Variants in LYRM4 observed in about 807,000 individuals in gnomAD.
LYRM4 encodes LYR motif-containing protein 4.
In LYRM4, 9 loss-of-function variants were observed where a neutral mutation model predicts 11.7. The observed-to-expected ratio is 0.77, with a 90% CI of 0.46 to 1.34. The LOEUF is 1.34. LYRM4 is among the 40% of genes most tolerant of loss of function. LYRM4 has a pLI of 0.00. For synonymous variants in LYRM4, 42 were observed against 40.4 expected, an observed-to-expected ratio of 1.04 and a Z score of -0.15; for missense variants, 133 against 112.5, an observed-to-expected ratio of 1.18 and a Z score of -0.82.
At chr6:5,174,171 A>G (rs990225971) in intron 2 of LYRM4, among the ~76,000 whole-genome samples, 1 of 151,460 alleles carries the variant, frequency 6.6e-6, no homozygotes, top group African/African-American at 2.4e-5. Context: ...GTTTTTTTTT[A>G]AGTTAGGGCA....
At chr6:5,226,153 G>A (rs941477753) in intron 1 of LYRM4, among the ~76,000 whole-genome samples, 1 of 152,088 alleles carries the variant, frequency 6.6e-6, no homozygotes, top group Non-Finnish European at 1.5e-5. Context: ...TTTTTGTGTG[G>A]TCCGGTGTAC....
chr6:5,156,244 C>T (rs1453045996), intron 2 of LYRM4, among the ~76,000 whole-genome samples: 1 of 152,224 alleles, frequency 6.6e-6, no homozygotes, highest in Non-Finnish European at 1.5e-5. Context: ...GCCCCTTTTT[C>T]TGCAGAGTGG....
chr6:5,085,510 A>C, the LYRM4 span: 9 of 1,537,332 alleles, frequency 5.9e-6, no homozygotes, highest in Non-Finnish European at 7.9e-6. Flanking sequence ...GGCGCGGCTA[A>C]GTTTGGAGGC....
the LYRM4 span, among the ~76,000 whole-genome samples, chr6:5,098,099 C>T: frequency 6.6e-6 from 1 of 152,210 alleles, no homozygotes. Context: ...GCTGGGACTA[C>T]AGGGGTGCAC....
intron 1 of LYRM4, among the ~76,000 whole-genome samples, chr6:5,240,053 G>T (rs1763786624): frequency 6.6e-6 from 1 of 152,140 alleles, no homozygotes; most frequent in Non-Finnish European, 1.5e-5. Context: ...AAGGTAAACA[G>T]GGCAAAATAA....
At chr6:5,095,495 T>C in the LYRM4 span, among the ~76,000 whole-genome samples, 48 of 152,334 alleles carry the variant, frequency 3.2e-4, no homozygotes, top group Non-Finnish European at 2.5e-4. Context: ...TATTTAAAGC[T>C]GATTTCAACA....
intron 1 of LYRM4, among the ~76,000 whole-genome samples, chr6:5,228,158 A>C (rs112340494): frequency 2.6e-5 from 4 of 152,168 alleles, no homozygotes; most frequent in African/African-American, 9.7e-5. Flanking sequence ...AAACGAAAAA[A>C]CACCAGCATA....
At chr6:5,138,103 T>C (rs1757193004) in intron 2 of LYRM4, among the ~76,000 whole-genome samples, 1 of 152,180 alleles carries the variant, frequency 6.6e-6, no homozygotes, top group Admixed American at 6.5e-5. Flanking sequence ...TAAAGACTAA[T>C]GGTAGACAAG....
the LYRM4 span, among the ~76,000 whole-genome samples, chr6:5,062,239 C>T: frequency 6.9e-6 from 1 of 145,506 alleles, no homozygotes; most frequent in Non-Finnish European, 1.5e-5. Flanking sequence ...TGCACACCAA[C>T]ACCCCAGCTA....
At chr6:5,118,212 G>A (rs899848507) in intron 2 of LYRM4, among the ~76,000 whole-genome samples, 1 of 151,250 alleles carries the variant, frequency 6.6e-6, no homozygotes, top group African/African-American at 2.4e-5. Context: ...CACCTCCTGT[G>A]TTCAAGTGAT....
the LYRM4 span, among the ~76,000 whole-genome samples, chr6:5,083,685 A>G: frequency 6.6e-6 from 1 of 152,214 alleles, no homozygotes; most frequent in Non-Finnish European, 1.5e-5. Flanking sequence ...TGCTCAGTCA[A>G]TCAATGTAAG....
In LYRM4 at chr6:5,168,102, T is replaced by C. The variant is rs1222959031; in HGVS notation, c.207+48516A>G. On this transcript the variant is annotated intron_variant, in intron 2 of 2. Coordinates refer to ENST00000330636, the MANE Select transcript of LYRM4 (RefSeq NM_020408.6). ...TAAGAGAGAATCCATGAATCTATCA[T>C]GATACTTAAAAAAAAAAAACAAAAA... Among the ~76,000 whole-genome samples the C allele has an allele frequency of 4.7e-5, 7 of 148,686 alleles. No homozygotes were observed. In the East Asian group the frequency reaches 1.4e-3, roughly 29 times the overall value.
intron 2 of LYRM4, among the ~76,000 whole-genome samples, chr6:5,199,603 A>G (rs935956220): frequency 2.6e-5 from 4 of 152,246 alleles, no homozygotes; most frequent in Non-Finnish European, 4.4e-5. Context: ...TCACTACCAG[A>G]CTGAAACTGT....
intron 2 of LYRM4, among the ~76,000 whole-genome samples, chr6:5,194,961 T>C (rs1349455111): frequency 6.6e-6 from 1 of 152,236 alleles, no homozygotes; most frequent in Non-Finnish European, 1.5e-5. Flanking sequence ...AAACCTACAG[T>C]GGTAGACTTT....
the LYRM4 span, among the ~76,000 whole-genome samples, chr6:5,037,538 C>A: frequency 1.3e-5 from 1 of 78,172 alleles, no homozygotes; most frequent in South Asian, 5.0e-4. Flanking sequence ...ACCTCCCAGA[C>A]GGGGTCCTGG....
chr6:5,048,332 T>TGTGC, the LYRM4 span, among the ~76,000 whole-genome samples: 1 of 148,756 alleles, frequency 6.7e-6, no homozygotes, highest in Non-Finnish European at 1.5e-5. Context: ...TGTGTGTGTG[T>TGTGC]GTTTGGAGGC....
intron 2 of LYRM4, among the ~76,000 whole-genome samples, chr6:5,126,948 A>C (rs1581329949): frequency 6.6e-6 from 1 of 152,166 alleles, no homozygotes; most frequent in African/African-American, 2.4e-5. Context: ...AAGCCAGTGA[A>C]TAATATACTT....
chr6:5,051,334 C>T, the LYRM4 span, among the ~76,000 whole-genome samples: 2 of 152,050 alleles, frequency 1.3e-5, no homozygotes, highest in African/African-American at 4.8e-5. Context: ...AACATAAATT[C>T]AAGAAGCTCA....
chr6:5,229,477 AG>A (rs1381361169), intron 1 of LYRM4, among the ~76,000 whole-genome samples: 1 of 151,808 alleles, frequency 6.6e-6, no homozygotes, highest in Admixed American at 6.5e-5. Context: ...AAGGGCAAAG[AG>A]GGAGAGAAGA....
Sources: gnomAD v4.1 joint callset for allele counts (sites outside exome capture counted in the v4.1 genomes callset) on GRCh38, gnomAD v4.1.1 for gene constraint, MANE v1.5 for transcripts, NCBI Gene and HGNC (gene_info 2026-07-23, HGNC 2026-07-21) for gene names.